TAMM41: variants seen among roughly 807,000 people sequenced by gnomAD.
TAMM41 encodes TAM41 mitochondrial translocator assembly and maintenance homolog.
TAMM41 carries 36 observed loss-of-function variants against 44.1 expected under a neutral mutation model. The observed-to-expected ratio is 0.82, with a 90% CI of 0.63 to 1.08. The LOEUF is 1.08. Among genes scored for constraint, TAMM41 ranks in the 50% least tolerant of loss-of-function variants. The pLI is 0.00. For synonymous variants in TAMM41, 164 were observed against 153.1 expected (o/e 1.07, Z -0.53); for missense variants, 417 against 404.3 (o/e 1.03, Z -0.27).
At chr3:11,801,355 A>C (rs2077748914) in intron 7 of TAMM41, among the ~76,000 whole-genome samples, 1 of 152,104 alleles carries the variant, frequency 6.6e-6, no homozygotes, top group Non-Finnish European at 1.5e-5. Context: ...CCCCTGAGAC[A>C]GGGTCTTACT....
chr3:11,749,303 G>A, the TAMM41 span, among the ~76,000 whole-genome samples: 554 of 152,290 alleles, frequency 3.6e-3, 3 homozygotes, highest in African/African-American at 0.013. Context: ...CCAGTAAGTG[G>A]TGGAACCAGG....
intron 4 of TAMM41, among the ~76,000 whole-genome samples, chr3:11,828,076 G>A (rs559437140): frequency 2.6e-5 from 4 of 152,290 alleles, no homozygotes; most frequent in East Asian, 1.9e-4. Context: ...TCAGGGCTTC[G>A]GAGATTTGGG....
At chr3:11,819,397 C>T (rs575837895) in intron 4 of TAMM41, among the ~76,000 whole-genome samples, 9 of 152,274 alleles carry the variant, frequency 5.9e-5, no homozygotes, top group East Asian at 3.9e-4. Flanking sequence ...AAGAAACTTG[C>T]GTAAGGTTTC....
intron 3 of TAMM41, among the ~76,000 whole-genome samples, chr3:11,838,980 A>T (rs2079309219): frequency 6.6e-6 from 1 of 152,218 alleles, no homozygotes; most frequent in African/African-American, 2.4e-5. Flanking sequence ...ACACTCAGAT[A>T]TTCCAAAGAT....
intron 4 of TAMM41, among the ~76,000 whole-genome samples, chr3:11,818,076 A>G (rs1294852667): frequency 6.6e-6 from 1 of 152,242 alleles, no homozygotes; most frequent in Non-Finnish European, 1.5e-5. Flanking sequence ...ACTTAAGTGC[A>G]TGCCTACTGG....
At chr3:11,807,460 G>C in intron 7 of TAMM41, 1 of 1,536,134 alleles carries the variant, frequency 6.5e-7, no homozygotes, top group Non-Finnish European at 8.7e-7. Flanking sequence ...CACTAAGACA[G>C]ATGGAAGCAG....
intron 2 of TAMM41, among the ~76,000 whole-genome samples, chr3:11,839,886 C>T (rs2079357841): frequency 2.0e-5 from 3 of 152,076 alleles, no homozygotes; most frequent in Admixed American, 2.0e-4. Flanking sequence ...TGTGAGTTCT[C>T]CAATTAATCC....
At chr3:11,763,432 A>C in the TAMM41 span, among the ~76,000 whole-genome samples, 1 of 152,128 alleles carries the variant, frequency 6.6e-6, no homozygotes, top group Non-Finnish European at 1.5e-5. Flanking sequence ...GTGAGCCACC[A>C]CACCCAGTCC....
chr3:11,846,823 C>T lies in TAMM41; in HGVS notation c.-187G>A. ...TGGGGCGTTGGGCCACGAAGAGCAG[C>T]GGCGAGAAGACGCAGCCCAGATAGG... On this transcript the variant is annotated 5_prime_UTR_variant, in exon 1 of 8. Transcript: ENST00000455809. The T allele has an allele frequency of 1.4e-6, 1 of 719,862 alleles. No individual in the cohort carries two copies. The highest frequency in any genetic ancestry group is 2.8e-5 in the East Asian group (1 of 35,362). The allele number at this position is 719,862 out of a possible 1,614,324, so 44.6% of individuals were successfully genotyped here. A position where few individuals can be genotyped will look rare whatever the true frequency, so the allele number is the denominator to read the frequency against.
the TAMM41 span, among the ~76,000 whole-genome samples, chr3:11,767,626 A>ATCTTTTTTTTTTTTTTTTT: frequency 3.3e-5 from 2 of 60,692 alleles, no homozygotes; most frequent in Non-Finnish European, 6.1e-5. Context: ...CACGTTGTGC[A>ATCTTTTTTTTTTTTTTTTT]TTTTTTTTTT....
intron 5 of TAMM41, among the ~76,000 whole-genome samples, chr3:11,814,021 T>C (rs538407816): frequency 4.0e-4 from 46 of 114,230 alleles, no homozygotes; most frequent in African/African-American, 9.9e-4. Context: ...CACACACACA[T>C]AAAAAAATCA....
At chr3:11,814,315 C>G (rs2124975236) in intron 5 of TAMM41, among the ~76,000 whole-genome samples, 1 of 151,848 alleles carries the variant, frequency 6.6e-6, no homozygotes, top group South Asian at 2.1e-4. Context: ...TGTGAGAGAA[C>G]AAGACAAAAT....
At chr3:11,810,386 C>T (rs1362877623) in intron 5 of TAMM41, among the ~76,000 whole-genome samples, 4 of 152,170 alleles carry the variant, frequency 2.6e-5, no homozygotes, top group Non-Finnish European at 5.9e-5. Context: ...ACATGTAAAA[C>T]TATGTGTCAG....
chr3:11,781,734 C>T, the TAMM41 span, among the ~76,000 whole-genome samples: 1 of 102,098 alleles, frequency 9.8e-6, no homozygotes, highest in Non-Finnish European at 2.0e-5. Flanking sequence ...GACTCCATCT[C>T]AAAATAATAA....
chr3:11,783,619 T>C, the TAMM41 span, among the ~76,000 whole-genome samples: 7 of 152,362 alleles, frequency 4.6e-5, no homozygotes, highest in East Asian at 1.3e-3. Context: ...GTTATTTTTA[T>C]AAGTGAGTAT....
the TAMM41 span, among the ~76,000 whole-genome samples, chr3:11,764,174 T>C: frequency 6.6e-6 from 1 of 152,020 alleles, no homozygotes; most frequent in South Asian, 2.1e-4. Context: ...CGGCTAATTT[T>C]TTGTAGAGAC....
At chr3:11,753,382 C>T in the TAMM41 span, among the ~76,000 whole-genome samples, 130 of 150,884 alleles carry the variant, frequency 8.6e-4, 3 homozygotes, top group African/African-American at 2.9e-3. Flanking sequence ...TGCAGTGAGC[C>T]AAGAATGCAC....
chr3:11,722,251 AT>A, the TAMM41 span, among the ~76,000 whole-genome samples: 1 of 149,864 alleles, frequency 6.7e-6, no homozygotes, highest in Non-Finnish European at 1.5e-5. Flanking sequence ...GCAAGGATTA[AT>A]CTCACTCTTT....
Position 11,817,267 on chromosome 3 carries a change from G to A in TAMM41, c.633C>T (p.His211=), listed in dbSNP as rs146706317. The part of the protein sequence containing the change: ...VLNIVKPNIA[H]FRELYGSILQ... ...GTATGCTGCCATAGAGCTCTCGAAA[G>A]TGGGCTATATTGGGCTTCACAATAT... The change falls in exon 5 of 8, where the codon CAC becomes CAT. Residue 211 remains histidine, a synonymous_variant. Coordinates refer to ENST00000455809, the MANE Select transcript of TAMM41 (RefSeq NM_001284401.2). 387 of 1,613,684 alleles carry A rather than the reference G, an allele frequency of 2.4e-4. 2 individuals are homozygous for A. In the African/African-American group the frequency reaches 4.4e-3, roughly 18 times the overall value.
Sources: gnomAD v4.1 joint callset for allele counts (sites outside exome capture counted in the v4.1 genomes callset) on GRCh38, gnomAD v4.1.1 for gene constraint, MANE v1.5 for transcripts, NCBI Gene and HGNC (gene_info 2026-07-23, HGNC 2026-07-21) for gene names.